The following IL1RL2 variants were observed in gnomAD, a reference collection of about 807,000 sequenced individuals.
IL1RL2 encodes the protein interleukin 1 receptor like 2.
IL1RL2 carries 68 observed loss-of-function variants against 66.8 expected under a neutral mutation model. The observed-to-expected ratio is 1.02, with a 90% CI of 0.84 to 1.25. The LOEUF (loss-of-function observed/expected upper bound fraction) is 1.25. Ranked by LOEUF, IL1RL2 falls within the 50% of genes most tolerant of loss-of-function variation. The pLI, the probability that IL1RL2 is intolerant of heterozygous loss-of-function variation, is 0.00. For synonymous variants in IL1RL2, 305 were observed against 264.6 expected (o/e 1.15, Z -1.48); for missense variants, 729 against 709.3 (o/e 1.03, Z -0.32).
rs772457927 is a variant in IL1RL2 at position 102,189,354 on chromosome 2, A to G, written c.293+44A>G. 1.3e-5 allele frequency: 16 copies of G among 1,188,182 alleles called. No homozygotes were observed. In the South Asian group the frequency reaches 2.3e-4, roughly 17 times the overall value. The allele number at this position is 1,188,182 out of a possible 1,614,324, so 73.6% of individuals were successfully genotyped here. A position where few individuals can be genotyped will look rare whatever the true frequency, so the allele number is the denominator to read the frequency against. ...ATAGAACTAACTCGTGTGTGTATGT[A>G]TAAATTATTTTAGGAAAATTCTTAA... On this transcript the variant is annotated intron_variant, in intron 3 of 11. Coordinates refer to ENST00000264257, the MANE Select transcript of IL1RL2 (RefSeq NM_003854.4).
intron 9 of IL1RL2, 101 bp downstream of exon 9, chr2:102,226,142 G>T: frequency 1.1e-6 from 1 of 944,414 alleles, no homozygotes. Flanking sequence ...TACGTTGTTG[G>T]CAAATTTAGG....
Position 102,218,982 on chromosome 2 carries a change from A to T in IL1RL2, c.754A>T (p.Thr252Ser). ...GTTLIVDCNV[T>S]DTKDNTNLRC... Reference sequence around the variant, plus strand: ...CACTCTGATTGTGGACTGCAATGTAACAGACACCAAGGATAATACAAATCT... The same window carrying T: ...CACTCTGATTGTGGACTGCAATGTATCAGACACCAAGGATAATACAAATCT... The change falls in exon 7 of 12, where the codon ACA becomes TCA. Residue 252 changes from threonine to serine, a missense_variant. Thr to Ser is a moderately conservative substitution (Grantham distance 58, BLOSUM62 1). Transcript: ENST00000264257. 6.2e-7 allele frequency: 1 copy of T among 1,613,600 alleles called. No individual in the cohort carries two copies. Among genetic ancestry groups the T allele is most frequent in the Non-Finnish European group, 8.5e-7 (1 of 1,179,506 alleles).
intron 6 of IL1RL2, among the ~76,000 whole-genome samples, chr2:102,213,247 A>G (rs1335297429): frequency 1.3e-5 from 2 of 152,222 alleles, no homozygotes; most frequent in Non-Finnish European, 2.9e-5. Context: ...GAATATAGTA[A>G]AAGTAATGTG....
chr2:102,196,602 T>C (rs922871435), intron 4 of IL1RL2, among the ~76,000 whole-genome samples: 1 of 152,034 alleles, frequency 6.6e-6, no homozygotes, highest in African/African-American at 2.4e-5. Flanking sequence ...CAGCATGAGG[T>C]GAACATAAAG....
chr2:102,195,618 T>C lies in IL1RL2; in HGVS notation c.489+3498T>C, dbSNP rs10167608. Reference sequence around the variant, plus strand: ...CTTTCTTTCTTTCTTTCTTTCTTTCTTTCTTTCTTTCTCTCTCTCTCTCTC... The same window carrying C: ...CTTTCTTTCTTTCTTTCTTTCTTTCCTTCTTTCTTTCTCTCTCTCTCTCTC... On this transcript the variant is annotated intron_variant, in intron 4 of 11. Coordinates refer to ENST00000264257, the MANE Select transcript of IL1RL2 (RefSeq NM_003854.4). Among the ~76,000 whole-genome samples, 30 of 16,392 alleles carry C rather than the reference T, an allele frequency of 1.8e-3. 1 individual carries two copies. The highest frequency in any genetic ancestry group is 5.1e-3 in the African/African-American group (30 of 5,940). The allele number at this position is 16,392 out of a possible 152,430, so 10.8% of individuals were successfully genotyped here.
At chr2:102,187,015 A>G (rs1686735213), upstream of IL1RL2, 2 of 1,289,606 alleles carry the variant, frequency 1.6e-6, no homozygotes, top group South Asian at 2.5e-5. Context: ...TGGAAGTGGC[A>G]TGACAGGGCT....
At chr2:102,220,234 A>G (rs1340133560) in intron 8 of IL1RL2, among the ~76,000 whole-genome samples, 2 of 152,258 alleles carry the variant, frequency 1.3e-5, no homozygotes, top group African/African-American at 4.8e-5. Flanking sequence ...TGAAAGTGCC[A>G]TATTTTCAAT....
intron 6 of IL1RL2, among the ~76,000 whole-genome samples, chr2:102,213,864 G>A (rs1689386523): frequency 6.6e-6 from 1 of 152,158 alleles, no homozygotes; most frequent in African/African-American, 2.4e-5. Flanking sequence ...GAAGAGTTGA[G>A]GTGGGGGTTG....
chr2:102,207,280 T>C (rs1183753718), intron 5 of IL1RL2, among the ~76,000 whole-genome samples: 1 of 152,180 alleles, frequency 6.6e-6, no homozygotes, highest in Admixed American at 6.5e-5. Flanking sequence ...AGACAAACTT[T>C]TCCTTCTGCT....
intron 6 of IL1RL2, among the ~76,000 whole-genome samples, chr2:102,217,456 C>A (rs1458748168): frequency 1.3e-5 from 2 of 152,024 alleles, no homozygotes; most frequent in East Asian, 1.9e-4. Flanking sequence ...ATAGCCAAAG[C>A]AATCTTGAGA....
chr2:102,220,788 C>T (rs980695124), intron 8 of IL1RL2, among the ~76,000 whole-genome samples: 1 of 152,164 alleles, frequency 6.6e-6, no homozygotes, highest in South Asian at 2.1e-4. Flanking sequence ...TAAACCTATG[C>T]TTGCATACAT....
chr2:102,217,025 T>A (rs1432183608), intron 6 of IL1RL2, among the ~76,000 whole-genome samples: 1 of 152,206 alleles, frequency 6.6e-6, no homozygotes, highest in Non-Finnish European at 1.5e-5. Context: ...AGAATTGAGA[T>A]ATTCTGAATT....
chr2:102,187,825 C>A, intron 1 of IL1RL2, 31 bp from the exon 2 acceptor site: 1 of 1,563,824 alleles, frequency 6.4e-7, no homozygotes, highest in Non-Finnish European at 8.8e-7. Context: ...ACTGCGTCCT[C>A]CCCTCCCACC....
At chr2:102,213,470 A>T (rs1286745736) in intron 6 of IL1RL2, among the ~76,000 whole-genome samples, 13 of 152,322 alleles carry the variant, frequency 8.5e-5, no homozygotes, top group African/African-American at 3.1e-4. Flanking sequence ...CATATATCAA[A>T]ACATCACATC....
rs150819640 is a variant in IL1RL2, at chr2:102,194,064, C to A, written c.489+1944C>A. ...AACATACCTTTTAATTACCCTTTCC[C>A]ATGAAAGTTAAGAAAGAAAACATTA... On this transcript the variant is annotated intron_variant, in intron 4 of 11. Coordinates refer to ENST00000264257, the MANE Select transcript of IL1RL2 (RefSeq NM_003854.4). Among the ~76,000 whole-genome samples the A allele has an allele frequency of 1.7e-3, 256 of 152,254 alleles. 2 individuals are homozygous for A. The highest frequency in any genetic ancestry group is 5.7e-3 in the African/African-American group (235 of 41,542).
intron 3 of IL1RL2, among the ~76,000 whole-genome samples, chr2:102,189,525 G>C (rs1332373831): frequency 1.3e-5 from 2 of 152,192 alleles, no homozygotes; most frequent in East Asian, 3.8e-4. Context: ...TATGGAAATG[G>C]CACCTCAGAC....
At chr2:102,189,335 C>T in intron 3 of IL1RL2, 25 bp downstream of exon 3, 1 of 1,404,406 alleles carries the variant, frequency 7.1e-7, no homozygotes, top group East Asian at 2.3e-5. Flanking sequence ...TAAAATAGAA[C>T]TAACTCGTGT....
chr2:102,191,850 AT>A (rs1468286082), intron 3 of IL1RL2, 74 bp from the exon 4 acceptor site: 1 of 1,069,446 alleles, frequency 9.4e-7, no homozygotes, highest in African/African-American at 1.6e-5. Context: ...ATTTGAAAAC[AT>A]TTGAAAATGA....
At chr2:102,210,555 A>T (rs766217738) in intron 5 of IL1RL2, among the ~76,000 whole-genome samples, 15 of 152,174 alleles carry the variant, frequency 9.9e-5, no homozygotes, top group Admixed American at 2.0e-4. Flanking sequence ...GTCATTGAAG[A>T]TGGAGAGATA....
Sources: allele counts gnomAD v4.1 joint callset (sites outside exome capture counted in the v4.1 genomes callset), GRCh38; gene constraint gnomAD v4.1.1; transcripts MANE v1.5; gene names NCBI Gene and HGNC (gene_info 2026-07-23, HGNC 2026-07-21).